The following POU2F2 variants were observed in gnomAD, a reference collection of about 807,000 sequenced individuals.
POU2F2 encodes POU domain, class 2, transcription factor 2.
Under a neutral mutation model 63.5 loss-of-function variants are expected in POU2F2, and 14 were observed. The ratio of observed to expected loss-of-function variants is 0.22; its 90% CI spans 0.15 to 0.34. The LOEUF (loss-of-function observed/expected upper bound fraction) is 0.34. Among genes scored for constraint, POU2F2 ranks in the 10% least tolerant of loss-of-function variants. POU2F2 has a pLI of 1.00. For synonymous variants in POU2F2, 306 were observed against 348.6 expected (o/e 0.88, Z 1.36); for missense variants, 607 against 815.2 (o/e 0.74, Z 3.11).
intron 1 of POU2F2, among the ~76,000 whole-genome samples, chr19:42,183,458 C>T (rs967333580): frequency 4.5e-4 from 68 of 152,132 alleles, no homozygotes; most frequent in African/African-American, 1.6e-3. Context: ...ACAGCAAAGG[C>T]GCCGGAGGGA....
intron 2 of POU2F2, among the ~76,000 whole-genome samples, chr19:42,148,663 T>C: frequency 6.6e-6 from 1 of 152,112 alleles, no homozygotes; most frequent in East Asian, 1.9e-4. Flanking sequence ...TTCCCCTCAA[T>C]TCAACCCAAA....
intron 2 of POU2F2, among the ~76,000 whole-genome samples, chr19:42,159,206 C>T (rs532060001): frequency 6.6e-6 from 1 of 152,286 alleles, no homozygotes; most frequent in African/African-American, 2.4e-5. Context: ...ACACACAAGT[C>T]TGGGTTCCTG....
chr19:42,122,689 C>T, intron 1 of POU2F2, 113 bp from the exon 2 acceptor site: 1 of 977,382 alleles, frequency 1.0e-6, no homozygotes, highest in Non-Finnish European at 1.5e-6. Context: ...CCCCTTACCC[C>T]CAGCCACCTT....
rs148992683 is a variant in POU2F2, at chr19:42,091,639, G to A, written c.1541-48C>T. On this transcript the variant is annotated intron_variant, in intron 14 of 14. Coordinates refer to ENST00000692977, the MANE Select transcript of POU2F2 (RefSeq NM_001394376.1). ...GGGCTAAGGGCATGCCGGGCCAGGGGAGACCTTTGCCTTCCAGCATCCTGC... is the reference window on the plus strand; with the variant it reads ...GGGCTAAGGGCATGCCGGGCCAGGGAAGACCTTTGCCTTCCAGCATCCTGC... 1,124 of 1,544,634 alleles carry A rather than the reference G, an allele frequency of 7.3e-4. 14 individuals carry two copies. In the East Asian group the frequency reaches 0.025, roughly 35 times the overall value.
chr19:42,133,213 G>C (rs2146737517), upstream of POU2F2, among the ~76,000 whole-genome samples: 1 of 152,310 alleles, frequency 6.6e-6, no homozygotes, highest in African/African-American at 2.4e-5. This position sits in a 1 kb window ranked among gnomAD's most constrained non-coding sequence, Gnocchi z 5.1. Context: ...GCGCTGCGGC[G>C]CTCCCATTTC....
At chr19:42,118,083 C>T (rs2032155361) in intron 4 of POU2F2, among the ~76,000 whole-genome samples, 1 of 152,128 alleles carries the variant, frequency 6.6e-6, no homozygotes. Context: ...CACCACACAC[C>T]TGGCTAATTT....
chr19:42,125,465 C>T (rs1159320850), intron 1 of POU2F2, among the ~76,000 whole-genome samples: 1 of 151,976 alleles, frequency 6.6e-6, no homozygotes, highest in African/African-American at 2.4e-5. Flanking sequence ...GGGGACAGGG[C>T]ATTAAATGGC....
rs141401540 is a variant in POU2F2, at chr19:42,170,508, C to T, written c.-70+5455G>A. Among the ~76,000 whole-genome samples the T allele has an allele frequency of 2.4e-3, 368 of 151,890 alleles. 3 individuals carry two copies. Among genetic ancestry groups the T allele is most frequent in the African/African-American group, 8.4e-3 (347 of 41,362 alleles). The stretch of plus-strand genomic sequence containing the variant: ...TCTACACATTCAATAGACGCAAACA[C>T]ACACACGGACCCAAAAATGCAGAGT... On this transcript the variant is annotated intron_variant, in intron 1 of 6. Transcript: ENST00000524801.
At position 42,091,402 on chromosome 19, in the gene POU2F2, A is replaced by ACAGCCG. The variant is rs750450236; in HGVS notation, c.1724_1729dup (p.Ala575_Ala576dup). 1 of 1,546,302 alleles carries ACAGCCG rather than the reference A, an allele frequency of 6.5e-7. No individual in the cohort carries two copies. The highest frequency in any genetic ancestry group is 1.4e-5 in the African/African-American group (1 of 73,006). ...AGACTTGCTGGAGATGGAGGCTGCCACAGCCGCAGCCGCTGCTGAGACCAG... is the reference window on the plus strand; with the variant it reads ...AGACTTGCTGGAGATGGAGGCTGCCACAGCCGCAGCCGCAGCCGCTGCTGAGACCAG... On this transcript the variant is annotated inframe_insertion, in exon 15 of 15. Coordinates refer to ENST00000692977, the MANE Select transcript of POU2F2 (RefSeq NM_001394376.1).
intron 2 of POU2F2, among the ~76,000 whole-genome samples, chr19:42,151,336 CT>C (rs1318339542): frequency 1.3e-5 from 2 of 152,126 alleles, no homozygotes; most frequent in Non-Finnish European, 2.9e-5. Flanking sequence ...CCGCCTGCCC[CT>C]CCTCTGCCCT....
intron 12 of POU2F2, chr19:42,093,533 T>G: frequency 2.9e-6 from 1 of 346,526 alleles, no homozygotes; most frequent in Non-Finnish European, 5.2e-6. Context: ...ATAAAATAAG[T>G]GCTTGAATTC....
chr19:42,111,095 A>C (rs182283037), intron 5 of POU2F2, among the ~76,000 whole-genome samples: 55 of 151,952 alleles, frequency 3.6e-4, no homozygotes, highest in Middle Eastern at 6.8e-3. Context: ...CCATCTGTCC[A>C]TCTATCCTTC....
chr19:42,123,532 C>T (rs1413514715), intron 1 of POU2F2, among the ~76,000 whole-genome samples: 3 of 152,158 alleles, frequency 2.0e-5, no homozygotes, highest in Non-Finnish European at 4.4e-5. Flanking sequence ...AATATTACCC[C>T]GTTTTACAGA....
upstream of POU2F2, among the ~76,000 whole-genome samples, chr19:42,180,645 C>T (rs960480656): frequency 3.3e-5 from 5 of 152,138 alleles, no homozygotes; most frequent in Non-Finnish European, 5.9e-5. Flanking sequence ...GGGCGGTCAT[C>T]CTTCCTAAGA....
upstream of POU2F2, among the ~76,000 whole-genome samples, chr19:42,178,635 C>G (rs1457341454): frequency 6.6e-6 from 1 of 152,058 alleles, no homozygotes; most frequent in Non-Finnish European, 1.5e-5. Context: ...CCAAAAGATA[C>G]AGAGACTGAG....
chr19:42,124,178 C>T (rs1378391252), intron 1 of POU2F2, among the ~76,000 whole-genome samples: 2 of 151,938 alleles, frequency 1.3e-5, no homozygotes, highest in African/African-American at 4.8e-5. Context: ...ATGGCACGCA[C>T]CTGTAGTCCC....
rs2076650543 is a variant in POU2F2 at position 42,089,610 on chromosome 19, A to G, written c.*1647T>C. Reference sequence around the variant, plus strand: ...AAGAGAAAGAAGCATCCGTCCTTCCATCCGCCTTGGGGAACAAGGGCCTGG... The same window carrying G: ...AAGAGAAAGAAGCATCCGTCCTTCCGTCCGCCTTGGGGAACAAGGGCCTGG... On this transcript the variant is annotated 3_prime_UTR_variant, in exon 15 of 15. Transcript: ENST00000692977. 1 of 152,068 alleles carries G rather than the reference A, an allele frequency of 6.6e-6. No individual in the cohort carries two copies. Among genetic ancestry groups the G allele is most frequent in the Non-Finnish European group, 1.5e-5 (1 of 67,910 alleles). 9.4% of individuals were successfully genotyped at this position (152,068 alleles called of 1,614,324 possible).
At chr19:42,132,362 G>C in intron 1 of POU2F2, 22 bp downstream of exon 1, 1 of 1,578,938 alleles carries the variant, frequency 6.3e-7, no homozygotes, top group East Asian at 2.5e-5. Context: ...CTGAGCAGTG[G>C]CACAGGCACC....
chr19:42,196,554 G>A (rs2035147833), exon 1 of POU2F2: 1 of 152,504 alleles, frequency 6.6e-6, no homozygotes, highest in Non-Finnish European at 1.5e-5. Flanking sequence ...GTGGGGCCAC[G>A]CCGGCCTCCC....
Sources: gnomAD v4.1 joint callset for allele counts (sites outside exome capture counted in the v4.1 genomes callset) on GRCh38, gnomAD v4.1.1 for gene constraint, Gnocchi (gnomAD v3.1) non-coding constraint, MANE v1.5 for transcripts, NCBI Gene and HGNC (gene_info 2026-07-23, HGNC 2026-07-21) for gene names.